NUP98: variants seen among roughly 807,000 people sequenced by gnomAD.
NUP98 encodes nucleoporin 98 and 96 precursor.
NUP98 carries 26 observed loss-of-function variants against 191.9 expected under a neutral mutation model. The observed-to-expected ratio is 0.14, with a 90% CI of 0.10 to 0.19. The LOEUF is 0.19. NUP98 is among the 10% of genes least tolerant of loss of function. The pLI is 1.00. For missense variants in NUP98, 1,941 were observed against 2,178.8 expected (o/e 0.89, Z 2.17); for synonymous variants, 808 against 778.4 (o/e 1.04, Z -0.63).
At chr11:3,789,698 T>G (rs918749779) in intron 1 of NUP98, among the ~76,000 whole-genome samples, 1 of 152,066 alleles carries the variant, frequency 6.6e-6, no homozygotes, top group Non-Finnish European at 1.5e-5. Flanking sequence ...CTCTAACTCC[T>G]GGACTCAAGC....
Position 3,744,638 on chromosome 11 carries a change from C to T in NUP98, c.1279G>A (p.Gly427Arg), listed in dbSNP as rs2080423243. ...TTGTTCCCAAACAAAGATGCCTGTC[C>T]AGCACCAAGAGCTACGGAGACAAGA... ...GAGFGTALGA[G>R]QASLFGNNQP... Residue 427 changes from glycine (G) to arginine (R), a missense_variant, in exon 12 of 33, where the codon GGA (glycine) becomes AGA (arginine). This residue lies in a region of NUP98 where 453 missense variants were observed against 438.2 expected (regional missense o/e 1.03). Transcript: ENST00000324932. The T allele has an allele frequency of 6.2e-7, 1 of 1,611,550 alleles. No individual in the cohort carries two copies. The highest frequency in any genetic ancestry group is 8.5e-7 in the Non-Finnish European group (1 of 1,178,768).
chr11:3,762,792 C>A (rs1419069090), intron 9 of NUP98, 110 bp downstream of exon 9: 5 of 1,081,632 alleles, frequency 4.6e-6, no homozygotes, highest in Non-Finnish European at 6.7e-6. Context: ...TAGGCTGGTG[C>A]AATAATACAC....
chr11:3,747,421 TTTA>T (rs1312650559), intron 11 of NUP98, among the ~76,000 whole-genome samples: 1 of 152,120 alleles, frequency 6.6e-6, no homozygotes, highest in African/African-American at 2.4e-5. Flanking sequence ...AGAACAAAGG[TTTA>T]TTATTATTAC....
Position 3,675,990 on chromosome 11 carries a change from G to T in NUP98, c.*169C>A, listed in dbSNP as rs937461589. The T allele has an allele frequency of 1.4e-5, 9 of 628,914 alleles. No individual in the cohort carries two copies. In the Admixed American group the frequency reaches 1.7e-4, roughly 12 times the overall value. 39.0% of individuals were successfully genotyped at this position (628,914 alleles called of 1,614,324 possible). A position where few individuals can be genotyped will look rare whatever the true frequency, so the allele number is the denominator to read the frequency against. On this transcript the variant is annotated 3_prime_UTR_variant, in exon 33 of 33. Transcript: ENST00000324932. ...TCCAGAAGCCCTTATGCTACGTTCA[G>T]TATTAAGAAAAGCCCTGAACAAGTG...
At chr11:3,778,092 G>A (rs1456537510) in intron 4 of NUP98, among the ~76,000 whole-genome samples, 1 of 151,360 alleles carries the variant, frequency 6.6e-6, no homozygotes, top group Non-Finnish European at 1.5e-5. Flanking sequence ...CCAGCTACTC[G>A]GGAGGCTGAG....
At chr11:3,762,151 C>T (rs551681823) in intron 9 of NUP98, among the ~76,000 whole-genome samples, 2 of 152,132 alleles carry the variant, frequency 1.3e-5, no homozygotes, top group South Asian at 4.2e-4. Context: ...CTCTTGTTGC[C>T]CAGGCTAGAG....
At chr11:3,790,107 G>A (rs991564864) in intron 1 of NUP98, among the ~76,000 whole-genome samples, 1 of 152,138 alleles carries the variant, frequency 6.6e-6, no homozygotes, top group Non-Finnish European at 1.5e-5. Context: ...AGAAGGTTGA[G>A]TGTGCAAATA....
chr11:3,743,553 G>A (rs1465758378), intron 12 of NUP98, among the ~76,000 whole-genome samples: 3 of 148,350 alleles, frequency 2.0e-5, no homozygotes, highest in East Asian at 4.1e-4. Flanking sequence ...AGGCTGAGGC[G>A]GGAGAATGGC....
At chr11:3,749,124 A>C (rs1451245389) in intron 11 of NUP98, among the ~76,000 whole-genome samples, 2 of 144,142 alleles carry the variant, frequency 1.4e-5, no homozygotes, top group Non-Finnish European at 3.0e-5. Context: ...CTGGCTAACA[A>C]GGTGAAACCC....
At chr11:3,724,095 A>G (rs1489154073) in intron 15 of NUP98, among the ~76,000 whole-genome samples, 1 of 152,066 alleles carries the variant, frequency 6.6e-6, no homozygotes, top group Non-Finnish European at 1.5e-5. Context: ...TACAGAATAT[A>G]TCATTCGTGC....
At position 3,714,546 on chromosome 11, in the gene NUP98, A is replaced by C. The variant is rs77301188; in HGVS notation, c.2400-551T>G. ...AACACAGTGACTACTAGGATGTAAT[A>C]GGTAGATGCTGCTCTCCATTTCCTG... On this transcript the variant is annotated intron_variant, in intron 18 of 32. Transcript: ENST00000324932. 1.0e-2 allele frequency among the ~76,000 whole-genome samples: 1,519 copies of C among 152,282 alleles called. 25 individuals carry two copies. The highest frequency in any genetic ancestry group is 0.035 in the African/African-American group (1,460 of 41,552).
intron 14 of NUP98, 36 bp from the exon 15 acceptor site, chr11:3,725,255 T>C (rs1263796126): frequency 1.1e-6 from 1 of 947,448 alleles, no homozygotes; most frequent in East Asian, 2.4e-5. Context: ...AGAAAAAAAT[T>C]ACTCAGGCAT....
chr11:3,777,507 A>G (rs1471104084), intron 4 of NUP98, among the ~76,000 whole-genome samples: 1 of 151,496 alleles, frequency 6.6e-6, no homozygotes, highest in Non-Finnish European at 1.5e-5. Flanking sequence ...TGTAGGCCCA[A>G]CTACTCGGGA....
At chr11:3,734,118 C>A (rs1444049871) in intron 13 of NUP98, among the ~76,000 whole-genome samples, 1 of 152,014 alleles carries the variant, frequency 6.6e-6, no homozygotes, top group Non-Finnish European at 1.5e-5. Context: ...TCACTGCAAC[C>A]TCTGCCTCCC....
At chr11:3,729,543 CAAA>C (rs36045405) in intron 14 of NUP98, among the ~76,000 whole-genome samples, 3 of 55,750 alleles carry the variant, frequency 5.4e-5, no homozygotes, top group East Asian at 1.0e-3. Context: ...CCTGTATCTC[CAAA>C]AAAAAAAAAA....
intron 8 of NUP98, among the ~76,000 whole-genome samples, chr11:3,768,014 T>C (rs1263934523): frequency 2.6e-5 from 4 of 152,138 alleles, no homozygotes; most frequent in Non-Finnish European, 5.9e-5. Flanking sequence ...CACTAAGTAG[T>C]TCCTACTTAG....
chr11:3,719,632 A>C (rs2079318088), intron 17 of NUP98, 82 bp from the exon 18 acceptor site: 2 of 1,031,946 alleles, frequency 1.9e-6, no homozygotes. Flanking sequence ...TTAAACAATC[A>C]CAAGGAGAAA....
intron 10 of NUP98, among the ~76,000 whole-genome samples, chr11:3,755,631 TAA>T (rs922448161): frequency 3.3e-5 from 5 of 152,198 alleles, no homozygotes; most frequent in African/African-American, 9.6e-5. Context: ...CTGAAGAATA[TAA>T]AAGTTTAAAA....
At chr11:3,791,654 C>A (rs905693482) in intron 1 of NUP98, among the ~76,000 whole-genome samples, 2 of 150,708 alleles carry the variant, frequency 1.3e-5, no homozygotes, top group Admixed American at 1.3e-4. Flanking sequence ...ACCAGCCTGA[C>A]CAACATGATG....
Sources: gnomAD v4.1 joint callset for allele counts (sites outside exome capture counted in the v4.1 genomes callset) on GRCh38, gnomAD v4.1.1 for gene constraint, gnomAD v4.1.1 regional missense constraint, MANE v1.5 for transcripts, NCBI Gene and HGNC (gene_info 2026-07-23, HGNC 2026-07-21) for gene names.